RASEF: variants seen among roughly 807,000 people sequenced by gnomAD.
The protein encoded by RASEF is RAS and EF-hand domain containing, also known as ras and EF-hand domain-containing protein.
A neutral mutation model predicts 90.1 loss-of-function variants in RASEF; 68 were observed. The observed-to-expected ratio is 0.75, with a 90% CI of 0.62 to 0.92. The LOEUF (loss-of-function observed/expected upper bound fraction) is 0.92. RASEF is among the 40% of genes least tolerant of loss of function. The probability of loss-of-function intolerance (pLI) is 0.00; values close to 1 mark genes in which losing one functional copy is unlikely to be tolerated. For synonymous variants in RASEF, 331 were observed against 345.2 expected (o/e 0.96, Z 0.46); for missense variants, 949 against 937.2 (o/e 1.01, Z -0.16).
chr9:83,084,029 T>C, the RASEF span, among the ~76,000 whole-genome samples: 9 of 152,216 alleles, frequency 5.9e-5, no homozygotes, highest in Admixed American at 5.9e-4. Context: ...TATATTCATA[T>C]AATGGAATAT....
At chr9:83,186,605 C>T in the RASEF span, among the ~76,000 whole-genome samples, 2 of 152,092 alleles carry the variant, frequency 1.3e-5, no homozygotes, top group Non-Finnish European at 2.9e-5. Flanking sequence ...GCCCAGTATC[C>T]TGCTCCTCTT....
chr9:83,197,300 T>A, the RASEF span, among the ~76,000 whole-genome samples: 1 of 152,172 alleles, frequency 6.6e-6, no homozygotes, highest in South Asian at 2.1e-4. Flanking sequence ...TCCTCAAGTG[T>A]CAGTAAGAAG....
At chr9:83,134,108 C>T in the RASEF span, among the ~76,000 whole-genome samples, 1 of 152,102 alleles carries the variant, frequency 6.6e-6, no homozygotes, top group Non-Finnish European at 1.5e-5. Flanking sequence ...TCAATACTAA[C>T]ATACATAGGT....
intron 6 of RASEF, among the ~76,000 whole-genome samples, chr9:83,009,378 G>T (rs1431475288): frequency 2.0e-5 from 3 of 152,058 alleles, no homozygotes; most frequent in East Asian, 3.9e-4. Flanking sequence ...TGACACTGTG[G>T]TATATTCTTT....
the RASEF span, among the ~76,000 whole-genome samples, chr9:83,208,703 G>A: frequency 6.6e-6 from 1 of 152,128 alleles, no homozygotes; most frequent in African/African-American, 2.4e-5. Flanking sequence ...CCGATAGCCA[G>A]GAAAATTCTC....
the RASEF span, among the ~76,000 whole-genome samples, chr9:83,163,036 G>A: frequency 6.6e-6 from 1 of 152,314 alleles, no homozygotes; most frequent in South Asian, 2.1e-4. Context: ...GCCCACAGGA[G>A]AAACTATTTA....
chr9:83,112,411 G>A, the RASEF span, among the ~76,000 whole-genome samples: 7,476 of 152,262 alleles, frequency 0.049, 357 homozygotes, highest in African/African-American at 0.12. Flanking sequence ...AGGGCTGAGC[G>A]CGGCGGCTCA....
At chr9:82,990,513 T>C (rs772751483) in intron 15 of RASEF, 46 bp from the exon 16 acceptor site, 8 of 1,403,200 alleles carry the variant, frequency 5.7e-6, no homozygotes, top group Admixed American at 1.8e-5. Flanking sequence ...CTTCATTGAG[T>C]TTCCTGAAAT....
chr9:83,087,229 G>C, the RASEF span, among the ~76,000 whole-genome samples: 5 of 152,248 alleles, frequency 3.3e-5, no homozygotes, highest in East Asian at 9.7e-4. Flanking sequence ...ACGGAATTGT[G>C]TCCCCCAAAT....
the RASEF span, among the ~76,000 whole-genome samples, chr9:83,120,368 A>G: frequency 6.6e-6 from 1 of 152,100 alleles, no homozygotes; most frequent in African/African-American, 2.4e-5. Flanking sequence ...AAATATAGTC[A>G]GTTGCTTTGT....
the RASEF span, among the ~76,000 whole-genome samples, chr9:83,112,672 A>T: frequency 1.3e-5 from 2 of 151,816 alleles, no homozygotes; most frequent in African/African-American, 4.8e-5. Context: ...GGGCAACAAG[A>T]GTGAAACTCG....
intron 3 of RASEF, among the ~76,000 whole-genome samples, chr9:83,016,847 G>A (rs1487343107): frequency 6.6e-6 from 1 of 152,142 alleles, no homozygotes; most frequent in Non-Finnish European, 1.5e-5. Context: ...ATTGGCTGTG[G>A]AGCTGGGCAA....
chr9:83,007,436 C>T lies in RASEF; in HGVS notation c.1028+1G>A. 1 of 1,603,016 alleles carries T rather than the reference C, an allele frequency of 6.2e-7. No homozygotes were observed. Among genetic ancestry groups the T allele is most frequent in the South Asian group, 1.1e-5 (1 of 90,858 alleles). ...AATGAGCATTTGATCTGCGGACTTACTGGAGTATTTCAATTTGCCTCTCAA... is the reference window on the plus strand; with the variant it reads ...AATGAGCATTTGATCTGCGGACTTATTGGAGTATTTCAATTTGCCTCTCAA... On this transcript the variant is annotated splice_donor_variant, in intron 7 of 16. Transcript: ENST00000376447. LOFTEE classifies it high-confidence loss of function.
intron 4 of RASEF, among the ~76,000 whole-genome samples, chr9:83,012,962 T>C (rs1829275735): frequency 6.6e-6 from 1 of 152,254 alleles, no homozygotes; most frequent in Non-Finnish European, 1.5e-5. Flanking sequence ...GATTCACCTA[T>C]GTTTTCTTCA....
At chr9:83,003,427 A>T (rs1268423708) in intron 9 of RASEF, among the ~76,000 whole-genome samples, 1 of 152,204 alleles carries the variant, frequency 6.6e-6, no homozygotes, top group East Asian at 1.9e-4. Flanking sequence ...AATCATGGTG[A>T]AATTTCTGAA....
At chr9:83,028,559 G>A (rs192086850) in intron 1 of RASEF, among the ~76,000 whole-genome samples, 6 of 152,296 alleles carry the variant, frequency 3.9e-5, no homozygotes, top group Admixed American at 1.3e-4. Flanking sequence ...CTATGAGGGC[G>A]CAAGAAAGAT....
intron 1 of RASEF, among the ~76,000 whole-genome samples, chr9:83,044,289 G>A (rs1391524914): frequency 6.6e-6 from 1 of 152,188 alleles, no homozygotes; most frequent in African/African-American, 2.4e-5. Flanking sequence ...GGAAAGTCCA[G>A]CAAAGCAAAA....
chr9:83,127,311 T>C, the RASEF span, among the ~76,000 whole-genome samples: 1 of 152,178 alleles, frequency 6.6e-6, no homozygotes, highest in African/African-American at 2.4e-5. Flanking sequence ...ATAGTCATAG[T>C]AGAAGGAGAT....
At chr9:83,210,955 T>C in the RASEF span, among the ~76,000 whole-genome samples, 1 of 152,320 alleles carries the variant, frequency 6.6e-6, no homozygotes, top group African/African-American at 2.4e-5. Context: ...CCCTGAATAA[T>C]TTAGTGTAGA....
Sources: gnomAD v4.1 joint callset for allele counts (sites outside exome capture counted in the v4.1 genomes callset) on GRCh38, gnomAD v4.1.1 for gene constraint, MANE v1.5 for transcripts, NCBI Gene and HGNC (gene_info 2026-07-23, HGNC 2026-07-21) for gene names.